Variants in ADGRG6 observed in about 807,000 individuals in gnomAD.
The protein encoded by ADGRG6 is adhesion G protein-coupled receptor G6.
ADGRG6 carries 84 observed loss-of-function variants against 142.4 expected under a neutral mutation model. The ratio of observed to expected loss-of-function variants is 0.59; its 90% CI spans 0.49 to 0.71. The LOEUF is 0.71. ADGRG6 is among the 30% of genes least tolerant of loss of function. ADGRG6 has a pLI of 0.00. For missense variants in ADGRG6, 1,367 were observed against 1,466.6 expected (o/e 0.93, Z 1.11); for synonymous variants, 521 against 520.5 (o/e 1.00, Z -0.01).
At chr6:142,391,959 A>G (rs1398113222) in intron 7 of ADGRG6, among the ~76,000 whole-genome samples, 1 of 151,896 alleles carries the variant, frequency 6.6e-6, no homozygotes, top group Non-Finnish European at 1.5e-5. Flanking sequence ...TATTTACTTC[A>G]TGCATGGTTT....
At chr6:142,371,883 A>G (rs1255974502) in intron 4 of ADGRG6, among the ~76,000 whole-genome samples, 1 of 152,176 alleles carries the variant, frequency 6.6e-6, no homozygotes, top group Non-Finnish European at 1.5e-5. Context: ...AACAACCAGC[A>G]CCTAAGAGAA....
chr6:142,324,976 G>T (rs762849508), intron 2 of ADGRG6, among the ~76,000 whole-genome samples: 4 of 152,240 alleles, frequency 2.6e-5, no homozygotes, highest in South Asian at 4.1e-4. Flanking sequence ...GAAGGGCAGA[G>T]AAACTATGTT....
chr6:142,332,780 T>G (rs1318019536), intron 2 of ADGRG6, among the ~76,000 whole-genome samples: 3 of 152,162 alleles, frequency 2.0e-5, no homozygotes, highest in Admixed American at 1.3e-4. Context: ...TCGGCCTTCA[T>G]CCTCCCAAGC....
intron 3 of ADGRG6, 74 bp from the exon 4 acceptor site, chr6:142,370,096 C>T: frequency 1.0e-5 from 13 of 1,286,928 alleles, no homozygotes; most frequent in Non-Finnish European, 1.4e-5. Flanking sequence ...CGATGGAGGG[C>T]TTGATGTTTT....
intron 9 of ADGRG6, among the ~76,000 whole-genome samples, chr6:142,396,188 C>A (rs1401289143): frequency 1.3e-5 from 2 of 152,136 alleles, no homozygotes; most frequent in Non-Finnish European, 2.9e-5. Context: ...AAGTTCTCAC[C>A]AACTGGAGTG....
intron 2 of ADGRG6, among the ~76,000 whole-genome samples, chr6:142,336,160 A>T (rs1779303603): frequency 6.6e-6 from 1 of 152,108 alleles, no homozygotes; most frequent in Non-Finnish European, 1.5e-5. Context: ...GGCAGCTCAG[A>T]CTTCTCTCAA....
intron 23 of ADGRG6, among the ~76,000 whole-genome samples, chr6:142,437,825 C>T (rs1467696107): frequency 4.0e-5 from 6 of 150,436 alleles, no homozygotes; most frequent in South Asian, 2.1e-4. Context: ...TCCACTATAC[C>T]AGACTCACCT....
At chr6:142,436,385 C>A (rs1042727698) in intron 22 of ADGRG6, among the ~76,000 whole-genome samples, 1 of 152,040 alleles carries the variant, frequency 6.6e-6, no homozygotes, top group African/African-American at 2.4e-5. Context: ...GCTGCCGAGA[C>A]GTCTAGTAAA....
At chr6:142,338,630 T>C (rs1243479963) in intron 2 of ADGRG6, among the ~76,000 whole-genome samples, 1 of 152,078 alleles carries the variant, frequency 6.6e-6, no homozygotes, top group Non-Finnish European at 1.5e-5. Context: ...AAATTTATTT[T>C]CTTTGATATC....
At chr6:142,402,508 C>T (rs939764825) in intron 12 of ADGRG6, 112 bp from the exon 13 acceptor site, 9 of 629,226 alleles carry the variant, frequency 1.4e-5, no homozygotes, top group African/African-American at 1.3e-4. Context: ...AGGAAAATCT[C>T]ACTTTCTTGC....
intron 22 of ADGRG6, among the ~76,000 whole-genome samples, chr6:142,420,763 C>A (rs1338406527): frequency 6.6e-6 from 1 of 152,134 alleles, no homozygotes; most frequent in Non-Finnish European, 1.5e-5. Context: ...TTCCATAATA[C>A]ATACCATAGT....
intron 2 of ADGRG6, among the ~76,000 whole-genome samples, chr6:142,331,303 G>T (rs1473539356): frequency 6.6e-6 from 1 of 151,906 alleles, no homozygotes; most frequent in Non-Finnish European, 1.5e-5. Context: ...CTCCTTTAAA[G>T]TGTATAGTTC....
chr6:142,424,706 C>A (rs1205008737), intron 22 of ADGRG6, among the ~76,000 whole-genome samples: 1 of 151,762 alleles, frequency 6.6e-6, no homozygotes, highest in Non-Finnish European at 1.5e-5. Context: ...AGGGAGGATT[C>A]CCTCTTTTTC....
intron 4 of ADGRG6, among the ~76,000 whole-genome samples, chr6:142,380,365 G>A (rs529853952): frequency 2.0e-5 from 3 of 152,130 alleles, no homozygotes; most frequent in East Asian, 3.9e-4. Flanking sequence ...GGTTGTGGGG[G>A]GCCCTAGAAG....
chr6:142,406,190 G>GTTT lies in ADGRG6; in HGVS notation c.2268+372_2268+374dup, dbSNP rs3079341. Reference sequence around the variant, plus strand: ...AAGAAATTGCACACCAAAGGAAAGGGTTTTTTTTTTTTCTTTAATTTAGCA... The same window carrying GTTT: ...AAGAAATTGCACACCAAAGGAAAGGGTTTTTTTTTTTTTTTCTTTAATTTAGCA... On this transcript the variant is annotated intron_variant, in intron 15 of 24. Coordinates refer to ENST00000367609, the MANE Select transcript of ADGRG6 (RefSeq NM_198569.3). 3.5e-3 allele frequency among the ~76,000 whole-genome samples: 512 copies of GTTT among 148,032 alleles called. 3 individuals carry two copies. The highest frequency in any genetic ancestry group is 5.7e-3 in the South Asian group (27 of 4,740).
At chr6:142,390,843 A>G (rs867230730) in intron 7 of ADGRG6, among the ~76,000 whole-genome samples, 2 of 151,950 alleles carry the variant, frequency 1.3e-5, no homozygotes, top group South Asian at 4.1e-4. Context: ...GTGCACATGA[A>G]AGAAAATTAA....
At chr6:142,313,524 T>C (rs112688066) in intron 2 of ADGRG6, among the ~76,000 whole-genome samples, 1 of 152,078 alleles carries the variant, frequency 6.6e-6, no homozygotes, top group African/African-American at 2.4e-5. Flanking sequence ...TATCAGCAGA[T>C]CGTTTCAAAG....
chr6:142,359,399 A>T (rs1429610982), intron 2 of ADGRG6, among the ~76,000 whole-genome samples: 1 of 151,908 alleles, frequency 6.6e-6, no homozygotes, highest in African/African-American at 2.4e-5. Flanking sequence ...TTTACACACG[A>T]TGCTCCAGCT....
At chr6:142,314,295 C>T (rs998070456) in intron 2 of ADGRG6, among the ~76,000 whole-genome samples, 9 of 152,134 alleles carry the variant, frequency 5.9e-5, no homozygotes, top group African/African-American at 2.2e-4. Context: ...TCAAGTGACC[C>T]GCAGTGTGAT....
Sources: gnomAD v4.1 joint callset for allele counts (sites outside exome capture counted in the v4.1 genomes callset) on GRCh38, gnomAD v4.1.1 for gene constraint, MANE v1.5 for transcripts, NCBI Gene and HGNC (gene_info 2026-07-23, HGNC 2026-07-21) for gene names.